TAF4B: variants seen among roughly 807,000 people sequenced by gnomAD.
TAF4B encodes transcription initiation factor TFIID subunit 4B.
A neutral mutation model predicts 86.4 loss-of-function variants in TAF4B; 38 were observed. The ratio of observed to expected loss-of-function variants is 0.44; its 90% CI spans 0.34 to 0.58. The LOEUF is 0.58. TAF4B is among the 20% of genes least tolerant of loss of function. TAF4B has a pLI of 0.02. For missense variants in TAF4B, 988 were observed against 1,027.6 expected (o/e 0.96, Z 0.53); for synonymous variants, 388 against 391.2 (o/e 0.99, Z 0.10).
At chr18:26,328,086 T>C (rs1468716169) in intron 12 of TAF4B, among the ~76,000 whole-genome samples, 2 of 152,238 alleles carry the variant, frequency 1.3e-5, no homozygotes, top group African/African-American at 4.8e-5. Flanking sequence ...TTTTAATTTC[T>C]AGCGTTCTTG....
At chr18:26,229,900 CT>C (rs1356996708) in intron 1 of TAF4B, among the ~76,000 whole-genome samples, 5 of 151,696 alleles carry the variant, frequency 3.3e-5, no homozygotes, top group Non-Finnish European at 7.4e-5. Context: ...ATAATGAATA[CT>C]TTAAGTATTT....
intron 14 of TAF4B, among the ~76,000 whole-genome samples, chr18:26,381,539 C>T (rs1459778541): frequency 6.6e-6 from 1 of 151,708 alleles, no homozygotes; most frequent in Non-Finnish European, 1.5e-5. Flanking sequence ...CCAGCCTGAC[C>T]AACATGGAGA....
chr18:26,306,585 G>A (rs1249557885), intron 9 of TAF4B, among the ~76,000 whole-genome samples: 1 of 151,948 alleles, frequency 6.6e-6, no homozygotes, highest in African/African-American at 2.4e-5. Flanking sequence ...GGTGAGTTTT[G>A]GAAAAGGAGT....
rs1482797273 is a variant in TAF4B, at chr18:26,390,062, A to G, written c.*50A>G. The G allele has an allele frequency of 1.3e-6, 2 of 1,570,592 alleles. No individual in the cohort carries two copies. The highest frequency in any genetic ancestry group is 8.7e-7 in the Non-Finnish European group (1 of 1,154,252). ...CTTGCTATTTACTGCCAAAGAAGAC[A>G]CAAAGCATTGTTGCACTGTCCTGAA... On this transcript the variant is annotated 3_prime_UTR_variant, in exon 15 of 15. Coordinates refer to ENST00000269142, the MANE Select transcript of TAF4B (RefSeq NM_005640.3).
intron 14 of TAF4B, among the ~76,000 whole-genome samples, chr18:26,363,130 A>G (rs1215821770): frequency 1.3e-5 from 2 of 152,122 alleles, no homozygotes; most frequent in Admixed American, 1.3e-4. Flanking sequence ...GATGACTATA[A>G]TGTCAATTTG....
At chr18:26,386,133 GT>G (rs1567934312) in intron 14 of TAF4B, among the ~76,000 whole-genome samples, 1 of 152,096 alleles carries the variant, frequency 6.6e-6, no homozygotes, top group Admixed American at 6.5e-5. Context: ...GTCCCTTGGG[GT>G]TTTTTTCATT....
chr18:26,230,318 T>C (rs1482740990), intron 1 of TAF4B, among the ~76,000 whole-genome samples: 1 of 152,218 alleles, frequency 6.6e-6, no homozygotes, highest in Non-Finnish European at 1.5e-5. Context: ...CAGCCTGTTT[T>C]CATGCTGAGA....
intron 1 of TAF4B, among the ~76,000 whole-genome samples, chr18:26,246,739 G>A (rs1438282324): frequency 6.6e-6 from 1 of 151,896 alleles, no homozygotes; most frequent in Non-Finnish European, 1.5e-5. Context: ...CACAATATTG[G>A]CCAGGCTGGT....
chr18:26,359,964 TGCC>T (rs2057317871), intron 14 of TAF4B, among the ~76,000 whole-genome samples: 1 of 151,976 alleles, frequency 6.6e-6, no homozygotes, highest in Non-Finnish European at 1.5e-5. Context: ...GCAGTTCACC[TGCC>T]TTGGCCTCCC....
At chr18:26,365,002 CTTTT>C (rs1236686001) in intron 14 of TAF4B, among the ~76,000 whole-genome samples, 2 of 109,240 alleles carry the variant, frequency 1.8e-5, no homozygotes, top group Admixed American at 1.0e-4. Context: ...TAATTCTATT[CTTTT>C]TTTTTTTTTT....
In TAF4B at chr18:26,265,253, A is replaced by T. The variant is rs2056223287; in HGVS notation, c.427A>T (p.Asn143Tyr). 4 of 1,614,190 alleles carry T rather than the reference A, an allele frequency of 2.5e-6. No individual in the cohort carries two copies. Among genetic ancestry groups the T allele is most frequent in the Non-Finnish European group, 2.5e-6 (3 of 1,180,042 alleles). Residue 143 changes from asparagine to tyrosine, a missense_variant, in exon 2 of 15, where the codon AAC becomes TAC. By Grantham distance (143) the Asn-to-Tyr change is moderately radical. This residue lies in a region of TAF4B where 747 missense variants were observed against 737.9 expected (regional missense o/e 1.01). Coordinates refer to ENST00000269142, the MANE Select transcript of TAF4B (RefSeq NM_005640.3). ...TGTAACAAGAGCCGAGACCACAAGT[A>T]ACATAACCTCAAGGCCAGCAGTACC... is the stretch of plus-strand genomic sequence containing the variant. The part of the protein sequence containing the change: ...QTVTRAETTS[N>Y]ITSRPAVPAN...
At chr18:26,253,045 A>G (rs930758208) in intron 1 of TAF4B, among the ~76,000 whole-genome samples, 10 of 152,140 alleles carry the variant, frequency 6.6e-5, no homozygotes, top group East Asian at 5.8e-4. Flanking sequence ...GATGCCTTTT[A>G]TTTCATTTTC....
intron 3 of TAF4B, among the ~76,000 whole-genome samples, chr18:26,267,868 A>G (rs948726178): frequency 6.6e-6 from 1 of 152,198 alleles, no homozygotes; most frequent in Non-Finnish European, 1.5e-5. Flanking sequence ...CCTAATAGCC[A>G]TGTGTTGCAG....
chr18:26,316,103 G>C (rs2056908510), intron 10 of TAF4B, among the ~76,000 whole-genome samples: 1 of 152,092 alleles, frequency 6.6e-6, no homozygotes, highest in Non-Finnish European at 1.5e-5. Flanking sequence ...TACTCGGGAG[G>C]CTGAGGCATG....
intron 3 of TAF4B, among the ~76,000 whole-genome samples, chr18:26,273,668 T>C (rs1292275389): frequency 3.9e-5 from 6 of 152,208 alleles, no homozygotes; most frequent in Non-Finnish European, 5.9e-5. Flanking sequence ...GTGCTGGTAT[T>C]GTAAGTGTGA....
Position 26,261,581 on chromosome 18 carries a change from T to A in TAF4B, c.344-3589T>A, listed in dbSNP as rs140571594. Among the ~76,000 whole-genome samples the A allele has an allele frequency of 2.7e-3, 416 of 152,344 alleles. 1 individual carries two copies. The highest frequency in any genetic ancestry group is 9.5e-3 in the African/African-American group (394 of 41,588). On this transcript the variant is annotated intron_variant, in intron 1 of 14. Transcript: ENST00000269142. The stretch of plus-strand genomic sequence containing the variant: ...TGCTTATGCTGGTATCACAGCTGGC[T>A]GTTAGGATCCACTCATTGCCAGCTG...
In TAF4B at chr18:26,285,998, T is replaced by C. The variant is rs1306572764; in HGVS notation, c.1089T>C (p.Thr363=). ...VIATCTTTVT[T]SPVVTTTVSS... Reference sequence around the variant, plus strand: ...CTACCTGTACTACAACAGTAACAACTTCTCCTGTGGTGACAACTACAGTGT... The same window carrying C: ...CTACCTGTACTACAACAGTAACAACCTCTCCTGTGGTGACAACTACAGTGT... Residue 363 remains threonine (T), a synonymous_variant, in exon 7 of 15, where the codon ACT becomes ACC. Coordinates refer to ENST00000269142, the MANE Select transcript of TAF4B (RefSeq NM_005640.3). The C allele has an allele frequency of 6.8e-6, 11 of 1,614,232 alleles. No homozygotes were observed. Among genetic ancestry groups the C allele is most frequent in the Non-Finnish European group, 8.5e-6 (10 of 1,180,030 alleles).
At chr18:26,259,773 A>G (rs2056138160) in intron 1 of TAF4B, among the ~76,000 whole-genome samples, 1 of 152,202 alleles carries the variant, frequency 6.6e-6, no homozygotes, top group Non-Finnish European at 1.5e-5. Context: ...TAGCAGCATG[A>G]TTTATAATCC....
chr18:26,362,397 A>G (rs955544114), intron 14 of TAF4B, among the ~76,000 whole-genome samples: 23 of 152,228 alleles, frequency 1.5e-4, no homozygotes, highest in Non-Finnish European at 3.1e-4. Flanking sequence ...TTAATGGCCC[A>G]TAGTGAATTT....
Sources: allele counts gnomAD v4.1 joint callset (sites outside exome capture counted in the v4.1 genomes callset), GRCh38; gene constraint gnomAD v4.1.1; regional missense constraint gnomAD v4.1.1; transcripts MANE v1.5; gene names NCBI Gene and HGNC (gene_info 2026-07-23, HGNC 2026-07-21).